ZNF341: variants seen among roughly 807,000 people sequenced by gnomAD.
ZNF341 encodes zinc finger protein 341.
A neutral mutation model predicts 87.7 loss-of-function variants in ZNF341; 52 were observed. The observed-to-expected ratio is 0.59, with a 90% CI of 0.47 to 0.75. ZNF341 has a LOEUF of 0.75. Among genes scored for constraint, ZNF341 ranks in the 30% least tolerant of loss-of-function variants. The pLI, the probability that ZNF341 is intolerant of heterozygous loss-of-function variation, is 0.00. For missense variants in ZNF341, 977 were observed against 1,145.9 expected, an observed-to-expected ratio of 0.85 and a Z score of 2.13; for synonymous variants, 459 against 472.7, an observed-to-expected ratio of 0.97 and a Z score of 0.38.
chr20:33,786,735 A>G (rs2019872240), intron 12 of ZNF341, among the ~76,000 whole-genome samples: 1 of 152,070 alleles, frequency 6.6e-6, no homozygotes, highest in African/African-American at 2.4e-5. Context: ...TTGGAAGGTG[A>G]AGGTGGGTGG....
chr20:33,740,732 C>T (rs936755350), intron 1 of ZNF341, among the ~76,000 whole-genome samples, 170 bp from the exon 2 acceptor site: 1 of 152,144 alleles, frequency 6.6e-6, no homozygotes, highest in Non-Finnish European at 1.5e-5. Context: ...TGGTCTTAAA[C>T]TCCTGGGCTC....
At chr20:33,770,343 G>GGGGGGCCTGGT in intron 10 of ZNF341, 51 bp downstream of exon 10, 2 of 511,254 alleles carry the variant, frequency 3.9e-6, no homozygotes, top group Admixed American at 2.0e-5. Context: ...GGTGGGCAGG[G>GGGGGGCCTGGT]AGCCCAGGGC....
rs528728790 is a variant in ZNF341, at chr20:33,762,358, T to C, written c.1222+303T>C. On this transcript the variant is annotated intron_variant, in intron 8 of 14. Coordinates refer to ENST00000375200, the MANE Select transcript of ZNF341 (RefSeq NM_001282933.2). ...AACTTATGAGTTATTTCTGGAATTTTCCATTTAATATTTTCAGACCATGAT... is the reference window on the plus strand; with the variant it reads ...AACTTATGAGTTATTTCTGGAATTTCCCATTTAATATTTTCAGACCATGAT... 4.6e-5 allele frequency among the ~76,000 whole-genome samples: 7 copies of C among 152,056 alleles called. No homozygotes were observed. In the South Asian group the frequency reaches 1.2e-3, roughly 27 times the overall value.
At chr20:33,789,080 T>G (rs2019940235) in intron 13 of ZNF341, 106 bp downstream of exon 13, 1 of 435,546 alleles carries the variant, frequency 2.3e-6, no homozygotes, top group African/African-American at 2.1e-5. Context: ...GGCCTCTCCT[T>G]TTTTTTTTTT....
intron 11 of ZNF341, 70 bp from the exon 12 acceptor site, chr20:33,783,662 T>G (rs1162842419): frequency 1.2e-6 from 2 of 1,607,714 alleles, no homozygotes; most frequent in Non-Finnish European, 1.7e-6. Context: ...CGAGGAACCT[T>G]TGAGTTCAGA....
chr20:33,756,600 T>G (rs894899493), intron 5 of ZNF341, among the ~76,000 whole-genome samples: 8 of 152,146 alleles, frequency 5.3e-5, no homozygotes, highest in Non-Finnish European at 1.5e-5. Context: ...ACTCCTGACC[T>G]TAGGTGATCT....
intron 4 of ZNF341, chr20:33,752,562 G>C (rs1404431228): frequency 5.1e-6 from 2 of 389,122 alleles, no homozygotes; most frequent in Admixed American, 3.7e-5. Context: ...GTCCAAGATG[G>C]AAAGGGAAGC....
In ZNF341 at chr20:33,732,885, A is replaced by G. The variant is rs1406292809; in HGVS notation, c.31+833A>G. 6.6e-6 allele frequency among the ~76,000 whole-genome samples: 1 copy of G among 152,206 alleles called. No individual in the cohort carries two copies. The highest frequency in any genetic ancestry group is 1.9e-4 in the East Asian group (1 of 5,200). On this transcript the variant is annotated intron_variant, in intron 1 of 14. Coordinates refer to ENST00000375200, the MANE Select transcript of ZNF341 (RefSeq NM_001282933.2). The surrounding 1 kb of genome is among the most constrained non-coding windows in gnomAD (Gnocchi z 4.5). ...AGGGCAGCCTTAGCGACTCGGGGCC[A>G]TGGCGCAGAATAGATATTGTGGGAA...
rs534704546 is a variant in ZNF341, at chr20:33,791,466, G to A, written c.2514G>A (p.Glu838=). Residue 838 remains glutamate, a synonymous_variant, in exon 15 of 15, where the codon GAG becomes GAA. Coordinates refer to ENST00000375200, the MANE Select transcript of ZNF341 (RefSeq NM_001282933.2). ...TGGCGGAGCTGCAGGCTGGGGCCGA[G>A]GGCCCATGTGCCATGCTCGCTGTGC... ...LALAELQAGA[E]GPCAMLAVPV... 61 of 1,600,238 alleles carry A rather than the reference G, an allele frequency of 3.8e-5. 1 individual carries two copies. In the South Asian group the frequency reaches 6.5e-4, roughly 17 times the overall value.
At chr20:33,788,568 A>G (rs1601295129) in intron 12 of ZNF341, 1 of 436,778 alleles carries the variant, frequency 2.3e-6, no homozygotes, top group Non-Finnish European at 4.3e-6. Flanking sequence ...CGCCAAACGC[A>G]CTCCTGCCTC....
chr20:33,786,138 G>T (rs2019857215), intron 12 of ZNF341, among the ~76,000 whole-genome samples: 1 of 150,856 alleles, frequency 6.6e-6, no homozygotes. Context: ...CAAGTAGCTG[G>T]GATTACAGGT....
chr20:33,765,010 TA>T (rs2019377218), intron 8 of ZNF341, among the ~76,000 whole-genome samples: 4 of 151,976 alleles, frequency 2.6e-5, no homozygotes, highest in Admixed American at 2.6e-4. Context: ...ATTGTTTTTG[TA>T]GAGACAGGGT....
Position 33,781,357 on chromosome 20 carries a change from T to C in ZNF341, c.1689T>C (p.Thr563=), listed in dbSNP as rs1371945145. The C allele has an allele frequency of 1.2e-6, 2 of 1,614,084 alleles. No homozygotes were observed. The highest frequency in any genetic ancestry group is 1.7e-6 in the Non-Finnish European group (2 of 1,179,988). ...EALEHHLQTA[T]HNFPCPHCQK... is the part of the protein sequence containing the mutation. The stretch of plus-strand genomic sequence containing the variant: ...TGGAGCACCACCTGCAGACCGCCAC[T>C]CACAACTTCCCCTGCCCACACTGCC... The change falls in exon 11 of 15, where the codon ACT becomes ACC. Residue 563 remains threonine (T), a synonymous_variant. Transcript: ENST00000375200.
At chr20:33,783,912 C>T in intron 12 of ZNF341, 48 bp downstream of exon 12, 1 of 1,554,360 alleles carries the variant, frequency 6.4e-7, no homozygotes, top group Non-Finnish European at 8.7e-7. Flanking sequence ...TCCCCTCCCC[C>T]TCCCCCTCTC....
chr20:33,773,905 A>G (rs149978827), intron 10 of ZNF341, among the ~76,000 whole-genome samples: 1 of 152,110 alleles, frequency 6.6e-6, no homozygotes, highest in East Asian at 1.9e-4. Context: ...TGGCCTGCCT[A>G]TGTGTACTTT....
At chr20:33,740,754 C>T in intron 1 of ZNF341, 148 bp from the exon 2 acceptor site, 1 of 638,398 alleles carries the variant, frequency 1.6e-6, no homozygotes, top group Non-Finnish European at 2.8e-6. Context: ...AGCGATCTCC[C>T]ACCTTAGCCT....
At chr20:33,783,200 A>G (rs1280473394) in intron 11 of ZNF341, among the ~76,000 whole-genome samples, 1 of 152,150 alleles carries the variant, frequency 6.6e-6, no homozygotes, top group East Asian at 1.9e-4. Context: ...TTACCTTTCC[A>G]TAGATTTCTT....
chr20:33,789,431 G>A, intron 13 of ZNF341, 87 bp from the exon 14 acceptor site: 1 of 1,384,112 alleles, frequency 7.2e-7, no homozygotes, highest in Non-Finnish European at 1.0e-6. Flanking sequence ...GGACAAGGCT[G>A]TCCCTTGTGC....
intron 7 of ZNF341, among the ~76,000 whole-genome samples, chr20:33,760,054 A>G (rs1460868329): frequency 6.6e-6 from 1 of 152,218 alleles, no homozygotes; most frequent in East Asian, 1.9e-4. Flanking sequence ...CTCAGTTGAG[A>G]ACTGGTCTAC....
Sources: allele counts gnomAD v4.1 joint callset (sites outside exome capture counted in the v4.1 genomes callset), GRCh38; gene constraint gnomAD v4.1.1; non-coding constraint Gnocchi (gnomAD v3.1); transcripts MANE v1.5; gene names NCBI Gene and HGNC (gene_info 2026-07-23, HGNC 2026-07-21).